SLC35F4: variants seen among roughly 807,000 people sequenced by gnomAD.
The protein encoded by SLC35F4 is solute carrier family 35 member F4.
In SLC35F4, 24 loss-of-function variants were observed where a neutral mutation model predicts 44.2. The observed-to-expected ratio is 0.54, with a 90% CI of 0.39 to 0.76. The LOEUF is 0.76. SLC35F4 is among the 30% of genes least tolerant of loss of function. The pLI, the probability that SLC35F4 is intolerant of heterozygous loss-of-function variation, is 0.00. For synonymous variants in SLC35F4, 238 were observed against 223.6 expected, an observed-to-expected ratio of 1.06 and a Z score of -0.57; for missense variants, 562 against 586.1, an observed-to-expected ratio of 0.96 and a Z score of 0.42.
At chr14:57,737,536 C>T (rs78426690) in intron 1 of SLC35F4, among the ~76,000 whole-genome samples, 5,647 of 152,118 alleles carry the variant, frequency 0.037, 101 homozygotes, top group East Asian at 0.041. Context: ...AAGGCTGCAG[C>T]AATGGTAAAA....
intron 1 of SLC35F4, among the ~76,000 whole-genome samples, chr14:57,612,978 G>A (rs1488275848): frequency 2.0e-5 from 3 of 152,182 alleles, no homozygotes; most frequent in Non-Finnish European, 4.4e-5. Context: ...TCTTTGAGAC[G>A]TGAGCATGGG....
intron 2 of SLC35F4, 123 bp downstream of exon 2, chr14:57,593,816 G>T: frequency 9.6e-7 from 1 of 1,046,484 alleles, no homozygotes; most frequent in Non-Finnish European, 1.4e-6. Flanking sequence ...GCTTGATAAA[G>T]CTTCCCCACA....
At chr14:57,636,220 C>T (rs1431126912) in intron 1 of SLC35F4, among the ~76,000 whole-genome samples, 1 of 152,132 alleles carries the variant, frequency 6.6e-6, no homozygotes, top group Admixed American at 6.5e-5. Context: ...CTGACTCCTC[C>T]AGGTGGAAAT....
chr14:57,739,870 G>A (rs1215509721), intron 1 of SLC35F4, among the ~76,000 whole-genome samples: 1 of 152,180 alleles, frequency 6.6e-6, no homozygotes, highest in South Asian at 2.1e-4. Flanking sequence ...TTGGTTTGTT[G>A]TTGTTTTGAG....
chr14:57,724,069 G>A (rs1228009112), intron 1 of SLC35F4, among the ~76,000 whole-genome samples: 4 of 152,192 alleles, frequency 2.6e-5, no homozygotes, highest in Non-Finnish European at 5.9e-5. Context: ...GGCCTATTTG[G>A]ATTTTGAAGG....
At chr14:57,687,952 A>G (rs1031848058) in intron 1 of SLC35F4, among the ~76,000 whole-genome samples, 4 of 152,224 alleles carry the variant, frequency 2.6e-5, no homozygotes, top group East Asian at 1.9e-4. Flanking sequence ...GAATTGTCAC[A>G]CTGCAAGATT....
At chr14:57,683,685 T>C (rs1195638097) in intron 1 of SLC35F4, among the ~76,000 whole-genome samples, 3 of 152,306 alleles carry the variant, frequency 2.0e-5, no homozygotes, top group Admixed American at 2.0e-4. Context: ...AAATTTCCTG[T>C]CACTTTTGAC....
At chr14:57,787,609 C>G (rs2077799662) in intron 1 of SLC35F4, among the ~76,000 whole-genome samples, 1 of 152,196 alleles carries the variant, frequency 6.6e-6, no homozygotes, top group African/African-American at 2.4e-5. Flanking sequence ...TATCTTCAAT[C>G]TCCTCAAACA....
intron 1 of SLC35F4, among the ~76,000 whole-genome samples, chr14:57,853,670 C>T (rs918339590): frequency 2.6e-5 from 4 of 151,676 alleles, no homozygotes; most frequent in African/African-American, 9.7e-5. Flanking sequence ...AACGCTGGAA[C>T]TGCTGGCAGT....
At chr14:57,615,843 A>G (rs1402982143) in intron 1 of SLC35F4, among the ~76,000 whole-genome samples, 1 of 152,178 alleles carries the variant, frequency 6.6e-6, no homozygotes, top group Non-Finnish European at 1.5e-5. Flanking sequence ...GATGGGATAG[A>G]GGGTTAGATC....
At chr14:57,847,610 A>T (rs1886150766) in intron 1 of SLC35F4, among the ~76,000 whole-genome samples, 1 of 152,194 alleles carries the variant, frequency 6.6e-6, no homozygotes, top group Non-Finnish European at 1.5e-5. Flanking sequence ...TTCAGTGTAA[A>T]TGTTTTATTA....
chr14:57,925,506 G>GAA (rs1889543712), intron 1 of SLC35F4, among the ~76,000 whole-genome samples: 2 of 29,610 alleles, frequency 6.8e-5, no homozygotes, highest in Non-Finnish European at 1.4e-4. Flanking sequence ...AGGGAGGGAG[G>GAA]GAGGGAGGGA....
chr14:57,880,618 C>T (rs1256955521), intron 1 of SLC35F4, among the ~76,000 whole-genome samples: 1 of 152,092 alleles, frequency 6.6e-6, no homozygotes, highest in Non-Finnish European at 1.5e-5. Flanking sequence ...GAAGATACAA[C>T]ATTTGGGCAA....
At chr14:57,966,799 C>G (rs1880876185) in intron 1 of SLC35F4, among the ~76,000 whole-genome samples, 1 of 152,140 alleles carries the variant, frequency 6.6e-6, no homozygotes, top group South Asian at 2.1e-4. Flanking sequence ...CACCTGAAGT[C>G]AGGAGCTCGA....
At chr14:57,566,656 A>C (rs2068223014) in intron 6 of SLC35F4, 92 bp from the exon 7 acceptor site, 1 of 1,274,010 alleles carries the variant, frequency 7.8e-7, no homozygotes, top group Non-Finnish European at 1.1e-6. Flanking sequence ...TCTTTGCTAC[A>C]TGTGCCTTTT....
chr14:57,690,825 T>C (rs746134954), intron 1 of SLC35F4, among the ~76,000 whole-genome samples: 9 of 152,060 alleles, frequency 5.9e-5, no homozygotes, highest in Non-Finnish European at 1.3e-4. Context: ...GAGATTCTAA[T>C]GCCACTACTG....
chr14:57,700,199 C>A (rs564116284), intron 1 of SLC35F4, among the ~76,000 whole-genome samples: 1 of 152,168 alleles, frequency 6.6e-6, no homozygotes, highest in African/African-American at 2.4e-5. Context: ...TAACCTGTTG[C>A]TCCTAGCATA....
intron 1 of SLC35F4, among the ~76,000 whole-genome samples, chr14:57,845,006 G>C (rs1239492233): frequency 6.6e-6 from 1 of 151,456 alleles, no homozygotes; most frequent in East Asian, 1.9e-4. Flanking sequence ...TTTCTAAAAA[G>C]AGCCTTCAGA....
chr14:57,673,124 A>T (rs1023715352), intron 1 of SLC35F4, among the ~76,000 whole-genome samples: 1 of 152,170 alleles, frequency 6.6e-6, no homozygotes, highest in Non-Finnish European at 1.5e-5. Context: ...TTATATGAAG[A>T]TTATAAATCA....
Sources: allele counts gnomAD v4.1 joint callset (sites outside exome capture counted in the v4.1 genomes callset), GRCh38; gene constraint gnomAD v4.1.1; transcripts MANE v1.5; gene names NCBI Gene and HGNC (gene_info 2026-07-23, HGNC 2026-07-21).